Variants in AFF1 observed in about 807,000 individuals in gnomAD.
AFF1 encodes AF4/FMR2 family member 1.
In AFF1, 48 loss-of-function variants were observed where a neutral mutation model predicts 121.7. The ratio of observed to expected loss-of-function variants is 0.39; its 90% confidence interval spans 0.31 to 0.50. The LOEUF is 0.50. Among genes scored for constraint, AFF1 ranks in the 20% least tolerant of loss-of-function variants. AFF1 has a pLI of 0.76. For synonymous variants in AFF1, 613 were observed against 563.0 expected (o/e 1.09, Z -1.26); for missense variants, 1,523 against 1,511.7 (o/e 1.01, Z -0.12).
At chr4:87,091,942 G>T (rs980646351) in intron 7 of AFF1, 113 bp downstream of exon 7, 1 of 704,792 alleles carries the variant, frequency 1.4e-6, no homozygotes, top group South Asian at 1.7e-5. Context: ...TTCCTATGTT[G>T]AAAGAATAGG....
chr4:87,112,817 C>T (rs1331862257), intron 11 of AFF1, among the ~76,000 whole-genome samples: 3 of 152,190 alleles, frequency 2.0e-5, no homozygotes, highest in Non-Finnish European at 2.9e-5. Context: ...CTACAAACCA[C>T]CTCCCCGAGT....
intron 1 of AFF1, among the ~76,000 whole-genome samples, chr4:86,939,133 A>G (rs1362528257): frequency 6.7e-6 from 1 of 149,110 alleles, no homozygotes; most frequent in East Asian, 2.0e-4. Flanking sequence ...CAAGAAAGAG[A>G]AAGGGCCTGT....
intron 2 of AFF1, among the ~76,000 whole-genome samples, chr4:87,025,706 C>G (rs895701457): frequency 4.6e-5 from 7 of 152,190 alleles, no homozygotes; most frequent in African/African-American, 1.7e-4. Context: ...TGCTAACGTC[C>G]TGCAATACAC....
At chr4:87,013,032 C>CTTTTTTTTTTTTTTTTTTTTTTT (rs61071328) in intron 2 of AFF1, among the ~76,000 whole-genome samples, 2 of 93,514 alleles carry the variant, frequency 2.1e-5, no homozygotes, top group Non-Finnish European at 2.0e-5. Context: ...CTATCAAGTT[C>CTTTTTTTTTTTTTTTTTTTTTTT]TTTTTTTTTT....
chr4:87,002,838 A>G (rs1336734391), intron 2 of AFF1, among the ~76,000 whole-genome samples: 3 of 152,168 alleles, frequency 2.0e-5, no homozygotes, highest in African/African-American at 7.2e-5. Context: ...AGTGGGTTTC[A>G]GGGGAATCAA....
rs745817386 is a variant in AFF1 at position 87,114,542 on chromosome 4, C to G, written c.1709C>G (p.Pro570Arg). ...GAGCATTCTGAATCCAAAGATCCTC[C>G]CCCTAAAAGCTCCAGCAAAGCCCCC... ...SQEHSESKDP[P>R]PKSSSKAPRA... The change falls in exon 12 of 21, where the codon CCC (proline) becomes CGC (arginine). Residue 570 changes from proline to arginine, a missense_variant. Around this residue, in one of 5 missense-constraint regions of AFF1, gnomAD observed 905 missense variants for 842.5 expected, o/e 1.07. Transcript: ENST00000395146. The G allele has an allele frequency of 6.2e-7, 1 of 1,611,860 alleles. No homozygotes were observed. The highest frequency in any genetic ancestry group is 1.7e-5 in the Admixed American group (1 of 59,864).
intron 4 of AFF1, among the ~76,000 whole-genome samples, chr4:87,073,058 G>C (rs1447766035): frequency 6.7e-6 from 1 of 149,344 alleles, no homozygotes; most frequent in Non-Finnish European, 1.5e-5. Flanking sequence ...AGTGGGATTA[G>C]TAAGCCTTAA....
At chr4:87,025,957 A>AC (rs1467073799) in intron 2 of AFF1, among the ~76,000 whole-genome samples, 2 of 150,480 alleles carry the variant, frequency 1.3e-5, no homozygotes, top group Non-Finnish European at 2.9e-5. Context: ...GCCTTACTCT[A>AC]CCCCTCACCA....
intron 1 of AFF1, among the ~76,000 whole-genome samples, chr4:86,942,004 A>G (rs1720500704): frequency 6.6e-6 from 1 of 151,776 alleles, no homozygotes; most frequent in Admixed American, 6.6e-5. Flanking sequence ...TTTATTGAGT[A>G]GTTGAACAGA....
intron 2 of AFF1, among the ~76,000 whole-genome samples, chr4:87,001,445 T>C (rs1199504213): frequency 6.6e-6 from 1 of 152,032 alleles, no homozygotes; most frequent in East Asian, 1.9e-4. Flanking sequence ...CTGGATCTCC[T>C]GACCTCGTGA....
rs1439566867 is a variant in AFF1 at position 87,111,053 on chromosome 4, G to T, written c.1533+2738G>T. The stretch of plus-strand genomic sequence containing the variant: ...GACGGAGTCTCGCTCTGTCGCCCAG[G>T]CTGGAGTGCAGTGGCGCGATCTCGG... On this transcript the variant is annotated intron_variant, in intron 11 of 20. Coordinates refer to ENST00000395146, the MANE Select transcript of AFF1 (RefSeq NM_001166693.3). Among the ~76,000 whole-genome samples the T allele has an allele frequency of 2.0e-4, 8 of 40,170 alleles. 3 individuals are homozygous for T. Among genetic ancestry groups the T allele is most frequent in the Non-Finnish European group, 4.6e-4 (8 of 17,406 alleles). 26.4% of individuals were successfully genotyped at this position (40,170 alleles called of 152,430 possible).
intron 1 of AFF1, among the ~76,000 whole-genome samples, chr4:86,943,533 C>T (rs891920856): frequency 3.8e-4 from 58 of 152,266 alleles, no homozygotes; most frequent in African/African-American, 1.3e-3. Flanking sequence ...GATTGTGGTC[C>T]GGGGACTGGG....
chr4:87,051,449 C>G (rs1241369680), intron 4 of AFF1, among the ~76,000 whole-genome samples: 1 of 145,648 alleles, frequency 6.9e-6, no homozygotes, highest in South Asian at 2.2e-4. Flanking sequence ...ATTCAACAAA[C>G]TGGTATTTTG....
rs68156863 is a variant in AFF1, at chr4:87,012,217, C to CTTTTTTTTTTTTTTT, written c.39-33947_39-33946insTTTTTTTTTTTTTTT. Among the ~76,000 whole-genome samples the CTTTTTTTTTTTTTTT allele has an allele frequency of 3.5e-5, 4 of 115,098 alleles. 1 individual carries two copies. Among genetic ancestry groups the CTTTTTTTTTTTTTTT allele is most frequent in the African/African-American group, 2.9e-5 (1 of 34,578 alleles). 75.5% of individuals were successfully genotyped at this position (115,098 alleles called of 152,430 possible). On this transcript the variant is annotated intron_variant, in intron 2 of 20. Transcript: ENST00000395146. ...GTTAGCAAACTTCTCCATTTCATTT[C>CTTTTTTTTTTTTTTT]TTGTTTTTTTTTTTTTTTGTATAAC...
chr4:87,020,337 G>A (rs895678382), intron 2 of AFF1, among the ~76,000 whole-genome samples: 1 of 152,152 alleles, frequency 6.6e-6, no homozygotes, highest in African/African-American at 2.4e-5. Context: ...TTTATTTTCA[G>A]AGTCCAGAGA....
chr4:87,122,153 A>C (rs1727756642), intron 12 of AFF1, among the ~76,000 whole-genome samples: 1 of 152,180 alleles, frequency 6.6e-6, no homozygotes, highest in South Asian at 2.1e-4. Flanking sequence ...TATTTTAGCA[A>C]ATTTTGACTT....
intron 12 of AFF1, among the ~76,000 whole-genome samples, chr4:87,118,133 C>T (rs1727309260): frequency 6.6e-6 from 1 of 152,208 alleles, no homozygotes; most frequent in South Asian, 2.1e-4. Context: ...ATTTAAAGGC[C>T]TCTTAGAGTC....
intron 4 of AFF1, among the ~76,000 whole-genome samples, chr4:87,057,547 A>G (rs922753784): frequency 6.6e-5 from 10 of 151,470 alleles, no homozygotes; most frequent in Non-Finnish European, 1.3e-4. Context: ...TACTCCTACT[A>G]TGGAACTCTT....
At chr4:87,012,306 C>T (rs1158593976) in intron 2 of AFF1, among the ~76,000 whole-genome samples, 2 of 145,888 alleles carry the variant, frequency 1.4e-5, no homozygotes, top group Admixed American at 7.1e-5. Flanking sequence ...GAACTCCTGA[C>T]ATCAGGTTTC....
Sources: allele counts gnomAD v4.1 joint callset (sites outside exome capture counted in the v4.1 genomes callset), GRCh38; gene constraint gnomAD v4.1.1; regional missense constraint gnomAD v4.1.1; transcripts MANE v1.5; gene names NCBI Gene and HGNC (gene_info 2026-07-23, HGNC 2026-07-21).